FAM13A: variants seen among roughly 807,000 people sequenced by gnomAD.
FAM13A encodes the protein protein FAM13A.
FAM13A carries 76 observed loss-of-function variants against 129.6 expected under a neutral mutation model. The observed-to-expected ratio is 0.59, with a 90% confidence interval of 0.49 to 0.71. The LOEUF (loss-of-function observed/expected upper bound fraction) is 0.71. Among genes scored for constraint, FAM13A ranks in the 30% least tolerant of loss-of-function variants. The pLI, the probability that FAM13A is intolerant of heterozygous loss-of-function variation, is 0.00. For missense variants in FAM13A, 1,108 were observed against 1,249.3 expected (o/e 0.89, Z 1.70); for synonymous variants, 443 against 449.9 (o/e 0.98, Z 0.20).
chr4:88,847,705 C>T (rs565619567), intron 7 of FAM13A, among the ~76,000 whole-genome samples: 37 of 152,204 alleles, frequency 2.4e-4, no homozygotes, highest in African/African-American at 7.7e-4. Context: ...GAGGCCGAGG[C>T]GGGTGGTTCA....
At chr4:89,017,824 G>T (rs964715499) in intron 3 of FAM13A, among the ~76,000 whole-genome samples, 1 of 152,058 alleles carries the variant, frequency 6.6e-6, no homozygotes, top group Non-Finnish European at 1.5e-5. Flanking sequence ...TACATATCGT[G>T]AAAAAGTTCA....
chr4:88,920,633 A>G (rs981838186), intron 5 of FAM13A, among the ~76,000 whole-genome samples: 3 of 152,202 alleles, frequency 2.0e-5, no homozygotes, highest in Admixed American at 2.0e-4. Flanking sequence ...AAACTCTAAA[A>G]AGCAGAGTGC....
At chr4:88,987,758 C>G (rs974099483) in intron 4 of FAM13A, among the ~76,000 whole-genome samples, 1 of 138,352 alleles carries the variant, frequency 7.2e-6, no homozygotes, top group Admixed American at 8.0e-5. Flanking sequence ...AGGAGAATGG[C>G]GTGAACCCGG....
At chr4:88,916,720 A>G (rs1421308421) in intron 5 of FAM13A, among the ~76,000 whole-genome samples, 4 of 152,118 alleles carry the variant, frequency 2.6e-5, no homozygotes, top group Non-Finnish European at 4.4e-5. Context: ...TGTCATTTAG[A>G]TCTGCACTCA....
At chr4:89,054,774 G>A (rs1400521010) in intron 1 of FAM13A, among the ~76,000 whole-genome samples, 1 of 152,140 alleles carries the variant, frequency 6.6e-6, no homozygotes, top group African/African-American at 2.4e-5. Flanking sequence ...TCTGAGGACA[G>A]CTCCAAGAGA....
chr4:88,902,370 C>T (rs531884591), intron 6 of FAM13A, among the ~76,000 whole-genome samples: 1 of 152,174 alleles, frequency 6.6e-6, no homozygotes, highest in East Asian at 1.9e-4. Context: ...AAAACACTGG[C>T]AAACCAAATC....
At chr4:88,854,273 T>G (rs1422499093) in intron 6 of FAM13A, among the ~76,000 whole-genome samples, 1 of 152,204 alleles carries the variant, frequency 6.6e-6, no homozygotes, top group South Asian at 2.1e-4. Context: ...AGACCCACCT[T>G]ATCTCAGCAA....
intron 5 of FAM13A, among the ~76,000 whole-genome samples, chr4:88,929,843 T>C (rs1457320225): frequency 6.6e-6 from 1 of 152,180 alleles, no homozygotes; most frequent in African/African-American, 2.4e-5. Flanking sequence ...TCTCAAGTGA[T>C]CCTCCCACCT....
intron 7 of FAM13A, among the ~76,000 whole-genome samples, chr4:88,821,663 A>G (rs1731940644): frequency 6.6e-6 from 1 of 152,220 alleles, no homozygotes; most frequent in Admixed American, 6.5e-5. Flanking sequence ...AAATGTCTCC[A>G]ACTTTAAAGT....
intron 4 of FAM13A, among the ~76,000 whole-genome samples, chr4:88,959,363 T>C (rs566563147): frequency 2.0e-5 from 3 of 152,192 alleles, no homozygotes; most frequent in Non-Finnish European, 2.9e-5. Context: ...TGTTTGATCA[T>C]GGGGGATGGT....
chr4:88,969,148 A>G (rs954682651), intron 4 of FAM13A, among the ~76,000 whole-genome samples: 3 of 152,228 alleles, frequency 2.0e-5, no homozygotes, highest in Non-Finnish European at 4.4e-5. Context: ...AGTCACCACT[A>G]AAGAACTTAC....
chr4:88,795,761 C>CT (rs998912795), intron 8 of FAM13A, among the ~76,000 whole-genome samples: 13 of 151,722 alleles, frequency 8.6e-5, no homozygotes, highest in Admixed American at 2.6e-4. Flanking sequence ...ACTAAAAGTG[C>CT]TTTTTTTGAT....
intron 7 of FAM13A, among the ~76,000 whole-genome samples, chr4:88,825,155 C>A (rs968184816): frequency 1.3e-5 from 2 of 151,750 alleles, no homozygotes; most frequent in African/African-American, 4.8e-5. Context: ...CCTGTCTATT[C>A]TGGAACTCGC....
chr4:88,818,788 G>A (rs1731308965), intron 7 of FAM13A, among the ~76,000 whole-genome samples: 2 of 152,152 alleles, frequency 1.3e-5, no homozygotes, highest in Admixed American at 1.3e-4. Context: ...GTGCCAACAA[G>A]TTAGGAAAAA....
At chr4:88,982,571 A>G (rs1472088951) in intron 4 of FAM13A, among the ~76,000 whole-genome samples, 1 of 152,230 alleles carries the variant, frequency 6.6e-6, no homozygotes, top group Admixed American at 6.5e-5. Flanking sequence ...AATGGGCAGA[A>G]TAAGAACTAG....
intron 7 of FAM13A, among the ~76,000 whole-genome samples, chr4:88,830,012 A>T (rs1561106459): frequency 6.6e-6 from 1 of 152,154 alleles, no homozygotes; most frequent in Non-Finnish European, 1.5e-5. Context: ...TTATATTTAT[A>T]TGTGTGTGTG....
intron 4 of FAM13A, among the ~76,000 whole-genome samples, chr4:88,940,359 T>C (rs1191382344): frequency 6.6e-6 from 1 of 151,380 alleles, no homozygotes; most frequent in African/African-American, 2.4e-5. Flanking sequence ...CTTAGGGAAA[T>C]TGTATCCTAT....
chr4:88,773,574 G>A (rs1199934474), intron 11 of FAM13A, among the ~76,000 whole-genome samples: 1 of 152,076 alleles, frequency 6.6e-6, no homozygotes, highest in Admixed American at 6.6e-5. Context: ...CCCTTGTGGT[G>A]CTCCCTTCTC....
At chr4:88,730,474 C>T (rs527807119) in intron 23 of FAM13A, among the ~76,000 whole-genome samples, 1 of 152,262 alleles carries the variant, frequency 6.6e-6, no homozygotes, top group East Asian at 1.9e-4. Flanking sequence ...CTCACTGCAA[C>T]CTTGGCCTCC....
Sources: gnomAD v4.1 joint callset for allele counts (sites outside exome capture counted in the v4.1 genomes callset) on GRCh38, gnomAD v4.1.1 for gene constraint, MANE v1.5 for transcripts, NCBI Gene and HGNC (gene_info 2026-07-23, HGNC 2026-07-21) for gene names.